MAP4K4: variants seen among roughly 807,000 people sequenced by gnomAD.
MAP4K4 encodes the protein HPK/GCK-like kinase HGK.
Under a neutral mutation model 189.6 loss-of-function variants are expected in MAP4K4, and 38 were observed. The ratio of observed to expected loss-of-function variants is 0.20; its 90% CI spans 0.15 to 0.26. The LOEUF is 0.26. Ranked by LOEUF, MAP4K4 falls within the 10% of genes least tolerant of loss-of-function variation. The pLI is 1.00. For missense variants in MAP4K4, 1,054 were observed against 1,726.9 expected (o/e 0.61, Z 6.91); for synonymous variants, 610 against 624.3 (o/e 0.98, Z 0.34).
At chr2:101,855,615 T>A (rs2097428615) in intron 12 of MAP4K4, among the ~76,000 whole-genome samples, 2 of 152,210 alleles carry the variant, frequency 1.3e-5, no homozygotes, top group South Asian at 2.1e-4. Flanking sequence ...TTTATTTCTT[T>A]CTCTTAATGT....
chr2:101,814,113 T>C (rs1270811030), intron 3 of MAP4K4, among the ~76,000 whole-genome samples: 1 of 152,210 alleles, frequency 6.6e-6, no homozygotes, highest in African/African-American at 2.4e-5. Context: ...TAGGAAATGA[T>C]TCACTTAGGT....
At chr2:101,723,637 G>A (rs1205405306) in intron 2 of MAP4K4, among the ~76,000 whole-genome samples, 1 of 152,194 alleles carries the variant, frequency 6.6e-6, no homozygotes, top group Non-Finnish European at 1.5e-5. Flanking sequence ...TTCACATTAA[G>A]AAGCTTAGAA....
intron 2 of MAP4K4, among the ~76,000 whole-genome samples, chr2:101,726,258 A>G (rs915629683): frequency 1.3e-5 from 2 of 152,232 alleles, no homozygotes; most frequent in African/African-American, 4.8e-5. Flanking sequence ...ACTTATTTCT[A>G]GTGATTCAAG....
chr2:101,765,838 C>A (rs2078399278), intron 2 of MAP4K4, among the ~76,000 whole-genome samples: 2 of 152,222 alleles, frequency 1.3e-5, no homozygotes, highest in African/African-American at 4.8e-5. Flanking sequence ...AATAGTATTT[C>A]AATTTCTGAG....
chr2:101,803,634 C>CT (rs2094607385), intron 3 of MAP4K4, among the ~76,000 whole-genome samples: 1 of 152,096 alleles, frequency 6.6e-6, no homozygotes, highest in Non-Finnish European at 1.5e-5. Context: ...CTAGCCTAAC[C>CT]TGTCCATATG....
intron 2 of MAP4K4, among the ~76,000 whole-genome samples, chr2:101,709,983 A>G (rs961907665): frequency 6.6e-5 from 10 of 152,134 alleles, no homozygotes; most frequent in African/African-American, 2.4e-4. Context: ...TTTCGTTCTT[A>G]CTTGCTGTGA....
At chr2:101,790,207 C>A (rs997737528) in intron 2 of MAP4K4, among the ~76,000 whole-genome samples, 6 of 151,762 alleles carry the variant, frequency 4.0e-5, no homozygotes, top group Non-Finnish European at 8.8e-5. Context: ...TGGGAATACA[C>A]AGGGAAAAAT....
intron 2 of MAP4K4, among the ~76,000 whole-genome samples, chr2:101,718,874 A>G (rs1387454666): frequency 1.3e-5 from 2 of 152,180 alleles, no homozygotes; most frequent in African/African-American, 4.8e-5. Context: ...AATAGTAAGG[A>G]GTAGTAGGGC....
chr2:101,704,473 A>C (rs759660658), intron 2 of MAP4K4, among the ~76,000 whole-genome samples: 1 of 146,382 alleles, frequency 6.8e-6, no homozygotes, highest in Non-Finnish European at 1.5e-5. Context: ...TTATTTGCCT[A>C]GCTGCAAACT....
chr2:101,797,421 C>T (rs2093826903), intron 3 of MAP4K4: 1 of 1,286,068 alleles, frequency 7.8e-7, no homozygotes. Context: ...CAGTCTGTAT[C>T]CCCCTCCTGC....
chr2:101,829,848 C>G, intron 6 of MAP4K4: 1 of 359,364 alleles, frequency 2.8e-6, no homozygotes, highest in Non-Finnish European at 5.2e-6. Context: ...TGCCACTTTC[C>G]TGCTTAAAGA....
intron 2 of MAP4K4, among the ~76,000 whole-genome samples, chr2:101,744,138 A>G (rs2064074607): frequency 6.6e-6 from 1 of 152,214 alleles, no homozygotes; most frequent in South Asian, 2.1e-4. Flanking sequence ...GAAGTCTTCA[A>G]GCCTCCAGAG....
At chr2:101,720,327 C>G (rs893548379) in intron 2 of MAP4K4, among the ~76,000 whole-genome samples, 1 of 151,916 alleles carries the variant, frequency 6.6e-6, no homozygotes, top group Non-Finnish European at 1.5e-5. Flanking sequence ...GCGCCCGCCG[C>G]CACACCTGGC....
Position 101,870,421 on chromosome 2 carries a change from C to T in MAP4K4, c.2760+6C>T, listed in dbSNP as rs1009093691. On this transcript the variant is annotated splice_donor_region_variant and intron_variant, in intron 23 of 32. Coordinates refer to ENST00000324219, the Ensembl canonical transcript of MAP4K4. ...GCACTCTAATCGTCCGCCAGGTACCCGTGTCTTCTCTGTTGTCAGAGGCTG... is the reference window on the plus strand; with the variant it reads ...GCACTCTAATCGTCCGCCAGGTACCTGTGTCTTCTCTGTTGTCAGAGGCTG... 10 of 1,613,078 alleles carry T rather than the reference C, an allele frequency of 6.2e-6. No homozygotes were observed. The highest frequency in any genetic ancestry group is 2.7e-5 in the African/African-American group (2 of 74,894).
chr2:101,720,326 G>A (rs4851490), intron 2 of MAP4K4, among the ~76,000 whole-genome samples: 113,878 of 151,422 alleles, frequency 0.75, 43,275 homozygotes, highest in African/African-American at 0.88. Context: ...GGCGCCCGCC[G>A]CCACACCTGG....
intron 2 of MAP4K4, among the ~76,000 whole-genome samples, chr2:101,760,915 A>G (rs2076091605): frequency 6.6e-6 from 1 of 152,188 alleles, no homozygotes; most frequent in East Asian, 1.9e-4. Context: ...AGGCAGCAGA[A>G]TCGCTTGAAT....
At chr2:101,829,785 C>T (rs1298160733) in intron 6 of MAP4K4, 191 bp downstream of exon 6, 5 of 522,580 alleles carry the variant, frequency 9.6e-6, no homozygotes, top group South Asian at 4.3e-5. Context: ...GTTTGTGCCC[C>T]CCTGCCCCCT....
rs537097043 is a variant in MAP4K4, at chr2:101,757,419, C to T, written c.124-33301C>T. On this transcript the variant is annotated intron_variant, in intron 2 of 32. Coordinates refer to ENST00000324219, the Ensembl canonical transcript of MAP4K4. ...ACTATAAGTGAATAGACTAGATCTA[C>T]AGAAAACCAGTCAAATCTGTAGCTC... 2.0e-3 allele frequency among the ~76,000 whole-genome samples: 305 copies of T among 152,296 alleles called. 1 individual carries two copies. The highest frequency in any genetic ancestry group is 5.0e-3 in the South Asian group (24 of 4,830).
At chr2:101,887,263 T>C (rs2098501064) in intron 30 of MAP4K4, 26 bp downstream of exon 30, 3 of 1,585,454 alleles carry the variant, frequency 1.9e-6, no homozygotes, top group East Asian at 2.3e-5. Flanking sequence ...CACTCTATGG[T>C]TGGTTGACTG....
Sources: allele counts gnomAD v4.1 joint callset (sites outside exome capture counted in the v4.1 genomes callset), GRCh38; gene constraint gnomAD v4.1.1; transcripts MANE v1.5; gene names NCBI Gene and HGNC (gene_info 2026-07-23, HGNC 2026-07-21).